The following CNTN6 variants were observed in gnomAD, a reference collection of about 807,000 sequenced individuals.
CNTN6 encodes contactin 6.
Under a neutral mutation model 122.8 loss-of-function variants are expected in CNTN6, and 137 were observed. The observed-to-expected ratio is 1.12, with a 90% CI of 0.97 to 1.29. CNTN6 has a LOEUF of 1.29. Ranked by LOEUF, CNTN6 falls within the 50% of genes most tolerant of loss-of-function variation. The pLI is 0.00. For synonymous variants in CNTN6, 570 were observed against 426.0 expected, an observed-to-expected ratio of 1.34 and a Z score of -4.16; for missense variants, 1,634 against 1,223.4, an observed-to-expected ratio of 1.34 and a Z score of -5.01.
chr3:1,114,788 GA>G (rs2091640934), intron 1 of CNTN6, among the ~76,000 whole-genome samples: 1 of 151,896 alleles, frequency 6.6e-6, no homozygotes, highest in Non-Finnish European at 1.5e-5. Flanking sequence ...AATAGAACAA[GA>G]AACAAAAAAC....
At position 1,220,836 on chromosome 3, in the gene CNTN6, C is replaced by T. The variant is rs369937015; in HGVS notation, c.182+23C>T. 6.3e-6 allele frequency: 10 copies of T among 1,575,478 alleles called. No individual in the cohort carries two copies. In the African/African-American group the frequency reaches 1.2e-4, roughly 19 times the overall value. ...TAGGTAAAATCCTACCTGTGGGCAC[C>T]ACACTATTTTGTTCTTCCTCACTGA... On this transcript the variant is annotated intron_variant, in intron 3 of 22. Transcript: ENST00000446702.
intron 17 of CNTN6, among the ~76,000 whole-genome samples, chr3:1,380,511 T>C (rs187255144): frequency 6.6e-6 from 1 of 152,330 alleles, no homozygotes; most frequent in East Asian, 1.9e-4. Context: ...TTGTGGTGAA[T>C]GTCTCATAAA....
chr3:1,282,630 G>C (rs73111145), intron 5 of CNTN6, among the ~76,000 whole-genome samples: 6,936 of 152,234 alleles, frequency 0.046, 523 homozygotes, highest in African/African-American at 0.16. Context: ...GTTTCACGAA[G>C]TTTTGTAAGG....
chr3:1,162,120 T>TG (rs1575075908), intron 2 of CNTN6, among the ~76,000 whole-genome samples: 2 of 152,286 alleles, frequency 1.3e-5, no homozygotes, highest in Admixed American at 6.5e-5. Flanking sequence ...CTGCTCACTT[T>TG]GCCAGAAGCT....
At chr3:1,342,596 A>G (rs567750081) in intron 11 of CNTN6, among the ~76,000 whole-genome samples, 1 of 152,212 alleles carries the variant, frequency 6.6e-6, no homozygotes, top group African/African-American at 2.4e-5. Context: ...ATATAACTCA[A>G]TACAGCTGCC....
intron 2 of CNTN6, among the ~76,000 whole-genome samples, chr3:1,151,531 C>T (rs577928682): frequency 6.7e-6 from 1 of 149,976 alleles, no homozygotes; most frequent in East Asian, 1.9e-4. Context: ...GATTCTCCAT[C>T]CCCTAATACA....
chr3:1,336,371 T>C (rs989872047), intron 11 of CNTN6, among the ~76,000 whole-genome samples: 1 of 152,078 alleles, frequency 6.6e-6, no homozygotes, highest in African/African-American at 2.4e-5. Context: ...ATTAAATTTG[T>C]ATCATTTTTA....
At chr3:1,121,148 A>T (rs977655926) in intron 1 of CNTN6, among the ~76,000 whole-genome samples, 1 of 152,056 alleles carries the variant, frequency 6.6e-6, no homozygotes, top group African/African-American at 2.4e-5. Flanking sequence ...TTTATTTTCT[A>T]TGTAACTCCC....
chr3:1,403,030 G>A (rs562109135), intron 22 of CNTN6, among the ~76,000 whole-genome samples: 2 of 152,116 alleles, frequency 1.3e-5, no homozygotes, highest in African/African-American at 4.8e-5. Context: ...TCATCTGCCT[G>A]AAGCTGTGAT....
Position 1,278,394 on chromosome 3 carries a change from C to T in CNTN6, c.359-19C>T. ...TGCAAAGTAACTAATTATAAATCTG[C>T]TTTTCTTTGTTTTCCAAGATATTGA... is the stretch of plus-strand genomic sequence containing the variant. On this transcript the variant is annotated intron_variant, in intron 4 of 22. Coordinates refer to ENST00000446702, the MANE Select transcript of CNTN6 (RefSeq NM_001289080.2). 2 of 1,506,014 alleles carry T rather than the reference C, an allele frequency of 1.3e-6. No individual in the cohort carries two copies. The highest frequency in any genetic ancestry group is 4.6e-5 in the East Asian group (2 of 43,834). 93.3% of individuals were successfully genotyped at this position (1,506,014 alleles called of 1,614,324 possible).
chr3:1,345,105 C>T (rs1704470738), intron 11 of CNTN6, among the ~76,000 whole-genome samples: 1 of 150,890 alleles, frequency 6.6e-6, no homozygotes, highest in Non-Finnish European at 1.5e-5. Context: ...TGTTTAACTA[C>T]TTATGTACAA....
intron 5 of CNTN6, among the ~76,000 whole-genome samples, chr3:1,280,150 G>A (rs1271145892): frequency 6.6e-6 from 1 of 152,098 alleles, no homozygotes; most frequent in South Asian, 2.1e-4. Context: ...ACTGAAAATT[G>A]TTTTCAACTT....
At chr3:1,237,734 G>A (rs62229422) in intron 4 of CNTN6, among the ~76,000 whole-genome samples, 11,280 of 152,114 alleles carry the variant, frequency 0.074, 487 homozygotes, top group Middle Eastern at 0.14. Context: ...AAAGGGATTG[G>A]GATTCTATTT....
At chr3:1,352,219 C>A in intron 11 of CNTN6, 105 bp from the exon 12 acceptor site, 2 of 998,616 alleles carry the variant, frequency 2.0e-6, no homozygotes, top group Non-Finnish European at 2.8e-6. Flanking sequence ...TTCATATTAT[C>A]ACATACACCC....
At chr3:1,182,645 A>G (rs2093572564) in intron 2 of CNTN6, among the ~76,000 whole-genome samples, 1 of 151,900 alleles carries the variant, frequency 6.6e-6, no homozygotes, top group African/African-American at 2.4e-5. Flanking sequence ...TAACTCATAT[A>G]CAAAGTACGC....
chr3:1,137,426 TCTGTTAGACTACCA>T (rs1270606656), intron 1 of CNTN6, among the ~76,000 whole-genome samples: 1 of 152,228 alleles, frequency 6.6e-6, no homozygotes, highest in Non-Finnish European at 1.5e-5. Context: ...TTTTTAAGAA[TCTGTTAGACTACCA>T]GTTGATGACC....
intron 7 of CNTN6, among the ~76,000 whole-genome samples, chr3:1,311,131 A>G (rs1481156678): frequency 1.3e-5 from 2 of 150,740 alleles, no homozygotes; most frequent in East Asian, 3.9e-4. Flanking sequence ...ACATAGGTGT[A>G]TGTATATATA....
intron 4 of CNTN6, among the ~76,000 whole-genome samples, chr3:1,243,984 C>T (rs778467269): frequency 1.3e-5 from 2 of 152,028 alleles, no homozygotes; most frequent in Admixed American, 6.5e-5. Context: ...AGGGAGGGAA[C>T]GAAGTGTGAA....
At chr3:1,238,074 T>A (rs2094442647) in intron 4 of CNTN6, among the ~76,000 whole-genome samples, 1 of 151,350 alleles carries the variant, frequency 6.6e-6, no homozygotes, top group South Asian at 2.1e-4. Context: ...GTGAATAGAA[T>A]AGTACCTCAC....
Sources: gnomAD v4.1 joint callset for allele counts (sites outside exome capture counted in the v4.1 genomes callset) on GRCh38, gnomAD v4.1.1 for gene constraint, MANE v1.5 for transcripts, NCBI Gene and HGNC (gene_info 2026-07-23, HGNC 2026-07-21) for gene names.